PEAK1: variants seen among roughly 807,000 people sequenced by gnomAD.
PEAK1 encodes pseudopodium enriched atypical kinase 1.
In PEAK1, 54 loss-of-function variants were observed where a neutral mutation model predicts 124.7. That is an observed-to-expected ratio of 0.43 (90% CI 0.35 to 0.54). The LOEUF is 0.54. Among genes scored for constraint, PEAK1 ranks in the 20% least tolerant of loss-of-function variants. The pLI, the probability that PEAK1 is intolerant of heterozygous loss-of-function variation, is 0.01. For synonymous variants in PEAK1, 719 were observed against 760.0 expected (o/e 0.95, Z 0.89); for missense variants, 2,046 against 2,134.5 (o/e 0.96, Z 0.82).
intron 6 of PEAK1, among the ~76,000 whole-genome samples, chr15:77,243,419 T>A (rs1381435630): frequency 6.6e-6 from 1 of 152,246 alleles, no homozygotes; most frequent in East Asian, 1.9e-4. Context: ...ATTCTTTACA[T>A]CCGATTATTT....
At chr15:77,209,267 G>T (rs537699611) in intron 6 of PEAK1, among the ~76,000 whole-genome samples, 1 of 152,222 alleles carries the variant, frequency 6.6e-6, no homozygotes, top group African/African-American at 2.4e-5. Flanking sequence ...TTCAGCTATT[G>T]AGTCTAAACA....
At chr15:77,256,096 T>C (rs1250316598) in intron 5 of PEAK1, among the ~76,000 whole-genome samples, 1 of 152,096 alleles carries the variant, frequency 6.6e-6, no homozygotes, top group African/African-American at 2.4e-5. Flanking sequence ...CCCAGACAAC[T>C]TCATCCAAAA....
At chr15:77,107,559 C>T (rs1490436195), downstream of PEAK1, 1 of 152,250 alleles carries the variant, frequency 6.6e-6, no homozygotes, top group African/African-American at 2.4e-5. Context: ...GCCTTTTCAT[C>T]TATTCTCCTC....
chr15:77,331,110 T>G (rs2065867683), intron 2 of PEAK1: 1 of 629,312 alleles, frequency 1.6e-6, no homozygotes, highest in Non-Finnish European at 2.0e-6. Context: ...AATTTTCTAT[T>G]TTATTATGTT....
chr15:77,154,139 T>G (rs969299783), intron 8 of PEAK1, among the ~76,000 whole-genome samples: 7 of 152,180 alleles, frequency 4.6e-5, no homozygotes, highest in Admixed American at 6.5e-5. Flanking sequence ...TGTAGGTCAC[T>G]AAGGACTTGC....
At chr15:77,210,055 A>G (rs2058833209) in intron 6 of PEAK1, among the ~76,000 whole-genome samples, 1 of 152,174 alleles carries the variant, frequency 6.6e-6, no homozygotes, top group Non-Finnish European at 1.5e-5. Flanking sequence ...TTCCTCATCT[A>G]TCAAATAAGA....
intron 8 of PEAK1, among the ~76,000 whole-genome samples, chr15:77,142,842 G>A (rs555434503): frequency 1.3e-5 from 2 of 152,286 alleles, no homozygotes; most frequent in East Asian, 3.9e-4. Flanking sequence ...AGGGGAGAAT[G>A]GACAGTGACT....
Position 77,181,654 on chromosome 15 carries a change from G to T in PEAK1, c.273C>A (p.Ile91=). The change falls in exon 7 of 10, where the codon ATC becomes ATA. Residue 91 remains isoleucine (I), a synonymous_variant. Coordinates refer to ENST00000682557, the MANE Select transcript of PEAK1 (RefSeq NM_001385026.1). ...DGQSICGELS[I]QEHCENKPVI... ...CAGGTTTGTTCTCACAGTGTTCTTG[G>T]ATGCTAAGCTCACCACATATACTTT... 6.2e-7 allele frequency: 1 copy of T among 1,614,112 alleles called. No homozygotes were observed. Among genetic ancestry groups the T allele is most frequent in the Non-Finnish European group, 8.5e-7 (1 of 1,180,020 alleles).
At chr15:77,414,142 TTCTTTCCTTCCTTCCTTCTTTC>T (rs2072641078) in intron 1 of PEAK1, among the ~76,000 whole-genome samples, 1 of 151,922 alleles carries the variant, frequency 6.6e-6, no homozygotes, top group South Asian at 2.1e-4. Flanking sequence ...TTTCTTTTCT[TTCTTTCCTTCCTTCCTTCTTTC>T]TCTTTCCTTC....
intron 1 of PEAK1, among the ~76,000 whole-genome samples, chr15:77,399,104 GGAA>G (rs1412047011): frequency 1.3e-5 from 2 of 152,004 alleles, no homozygotes; most frequent in Non-Finnish European, 2.9e-5. Flanking sequence ...TGAAATAAGT[GGAA>G]GAAGACACTA....
At chr15:77,239,830 ACT>A (rs2060277369) in intron 6 of PEAK1, 1 of 984,888 alleles carries the variant, frequency 1.0e-6, no homozygotes, top group Admixed American at 6.2e-5. Flanking sequence ...TTCAAAGACC[ACT>A]CTCTAGGAAA....
Position 77,376,000 on chromosome 15 carries a change from AAAATAAATAAATAAATAAAT to A in PEAK1, c.-665-10795_-665-10776del, listed in dbSNP as rs199883070. Among the ~76,000 whole-genome samples the A allele has an allele frequency of 4.8e-3, 697 of 145,390 alleles. 7 individuals carry two copies. Among genetic ancestry groups the A allele is most frequent in the Admixed American group, 0.011 (163 of 14,538 alleles). On this transcript the variant is annotated intron_variant, in intron 1 of 9. Coordinates refer to ENST00000682557, the MANE Select transcript of PEAK1 (RefSeq NM_001385026.1). Reference sequence around the variant, plus strand: ...GGAGACAGAGCGAGACTCCGTCTCAAAAATAAATAAATAAATAAATAAATAAATAAATAAATAAATAAATG... The same window carrying A: ...GGAGACAGAGCGAGACTCCGTCTCAAAAATAAATAAATAAATAAATAAATG...
chr15:77,372,642 A>C (rs1026483715), intron 1 of PEAK1, among the ~76,000 whole-genome samples: 1 of 152,162 alleles, frequency 6.6e-6, no homozygotes, highest in Non-Finnish European at 1.5e-5. Flanking sequence ...GAAGAACCTA[A>C]GTATCAGACA....
intron 2 of PEAK1, among the ~76,000 whole-genome samples, chr15:77,297,193 T>C (rs7182221): frequency 0.23 from 34,282 of 151,766 alleles, 4,402 homozygotes; most frequent in Middle Eastern, 0.3. Flanking sequence ...TGACTTGATA[T>C]ATGCTCTGAG....
intron 8 of PEAK1, among the ~76,000 whole-genome samples, chr15:77,147,355 G>C (rs537449898): frequency 6.6e-6 from 1 of 152,164 alleles, no homozygotes; most frequent in South Asian, 2.1e-4. Flanking sequence ...TTGGGATGCA[G>C]AAAGAGGAAC....
chr15:77,327,109 A>G (rs975675917), intron 2 of PEAK1, among the ~76,000 whole-genome samples: 2 of 152,158 alleles, frequency 1.3e-5, no homozygotes, highest in Non-Finnish European at 2.9e-5. Flanking sequence ...CCACTGGACA[A>G]ACTACACTTT....
chr15:77,224,262 C>T (rs1010644608), intron 6 of PEAK1, among the ~76,000 whole-genome samples: 1 of 151,704 alleles, frequency 6.6e-6, no homozygotes, highest in African/African-American at 2.4e-5. Context: ...CTTAACATTC[C>T]ATAACAAAAA....
intron 1 of PEAK1, among the ~76,000 whole-genome samples, chr15:77,366,781 T>G (rs911223999): frequency 6.6e-6 from 1 of 152,144 alleles, no homozygotes; most frequent in Non-Finnish European, 1.5e-5. Flanking sequence ...AGACTGGTCT[T>G]GAACTACTGG....
intron 6 of PEAK1, among the ~76,000 whole-genome samples, chr15:77,244,893 C>G (rs1172405740): frequency 6.6e-6 from 1 of 152,160 alleles, no homozygotes; most frequent in Admixed American, 6.5e-5. Flanking sequence ...TTATAACACC[C>G]TCCCAATCTA....
Sources: gnomAD v4.1 joint callset for allele counts (sites outside exome capture counted in the v4.1 genomes callset) on GRCh38, gnomAD v4.1.1 for gene constraint, MANE v1.5 for transcripts, NCBI Gene and HGNC (gene_info 2026-07-23, HGNC 2026-07-21) for gene names.